The following GOLGA8H variants were observed in gnomAD, a reference collection of about 807,000 sequenced individuals.
GOLGA8H encodes the protein golgin subfamily A member 8H.
Under a neutral mutation model 82.7 loss-of-function variants are expected in GOLGA8H, and 47 were observed. That is an observed-to-expected ratio of 0.57 (90% CI 0.45 to 0.73). The LOEUF (loss-of-function observed/expected upper bound fraction) is 0.73, where lower values mean the gene tolerates loss of function less well. Among genes scored for constraint, GOLGA8H ranks in the 30% least tolerant of loss-of-function variants. GOLGA8H has a pLI of 0.00. For missense variants in GOLGA8H, 372 were observed against 661.0 expected (o/e 0.56, Z 4.79); for synonymous variants, 108 against 241.6 (o/e 0.45, Z 5.13).
rs1448013196 is a variant in GOLGA8H, at chr15:30,615,818, AT to A, written c.*1258del. Among the ~76,000 whole-genome samples the A allele has an allele frequency of 7.4e-6, 1 of 135,736 alleles. No individual in the cohort carries two copies. The highest frequency in any genetic ancestry group is 2.3e-4 in the South Asian group (1 of 4,410). The allele number at this position is 135,736 out of a possible 152,430, so 89.0% of individuals were successfully genotyped here. A position where few individuals can be genotyped will look rare whatever the true frequency, so the allele number is the denominator to read the frequency against. On this transcript the variant is annotated 3_prime_UTR_variant, in exon 19 of 19. Coordinates refer to ENST00000566740, the MANE Select transcript of GOLGA8H (RefSeq NM_001282490.2). ...CCTTGAATGGACAACACTTTAAAAA[AT>A]AATAGAAACATTATTATAAACTAAT...
chr15:30,610,214 T>C (rs915598401), intron 10 of GOLGA8H, 88 bp from the exon 11 acceptor site: 2 of 1,360,768 alleles, frequency 1.5e-6, no homozygotes, highest in African/African-American at 2.9e-5. Context: ...GTCTGGGCTT[T>C]GTGGAGGTGG....
At position 30,615,229 on chromosome 15, in the gene GOLGA8H, G is replaced by A. The variant is rs375651399; in HGVS notation, c.*668G>A. Among the ~76,000 whole-genome samples, 3,633 of 151,778 alleles carry A rather than the reference G, an allele frequency of 0.024. 85 individuals are homozygous for A. The highest frequency in any genetic ancestry group is 0.077 in the African/African-American group (3,166 of 41,316). ...GAAAGTGGCCTCCTCTGGCAGGTAC[G>A]TGCAGGATAGAGTGTGTTTCATCTG... On this transcript the variant is annotated 3_prime_UTR_variant, in exon 19 of 19. Transcript: ENST00000566740.
At position 30,612,627 on chromosome 15, in the gene GOLGA8H, C is replaced by T. The variant is rs1407426529; in HGVS notation, c.1231C>T (p.Gln411Ter). 2 of 1,596,384 alleles carry T rather than the reference C, an allele frequency of 1.3e-6. No individual in the cohort carries two copies. The highest frequency in any genetic ancestry group is 2.2e-5 in the East Asian group (1 of 44,704). ...CCTGGAAGCTGCCAGCCAGCAGAAC[C>T]AGCAGCTAACGGCCCAGCTGAGCCT... ...EHLEAASQQN[Q>*]QLTAQLSLMA... The change falls in exon 14 of 19, where the codon CAG becomes TAG. Residue 411 changes from glutamine to a stop codon, truncating the protein, a stop_gained. Transcript: ENST00000566740. LOFTEE classifies it high-confidence loss of function.
chr15:30,609,084 G>A lies in GOLGA8H; in HGVS notation c.591+328G>A, dbSNP rs562264334. On this transcript the variant is annotated intron_variant, in intron 8 of 18. Coordinates refer to ENST00000566740, the MANE Select transcript of GOLGA8H (RefSeq NM_001282490.2). ...AGGTACAGAAGAGTACCTTTAGTAT[G>A]TTACCATTTCTGTAGAAAGAGGAAA... Among the ~76,000 whole-genome samples the A allele has an allele frequency of 2.6e-4, 33 of 127,508 alleles. No individual in the cohort carries two copies. The East Asian group carries it at 5.0e-3, about 19-fold the overall frequency. The allele number at this position is 127,508 out of a possible 152,430, so 83.7% of individuals were successfully genotyped here.
chr15:30,615,169 C>A lies in GOLGA8H; in HGVS notation c.*608C>A, dbSNP rs923598780. On this transcript the variant is annotated 3_prime_UTR_variant, in exon 19 of 19. Transcript: ENST00000566740. ...TGTGTATTGGTGATGGGAGTGATAACCTTTTGGGGGAGCTTTTTAAATCTC... is the reference window on the plus strand; with the variant it reads ...TGTGTATTGGTGATGGGAGTGATAAACTTTTGGGGGAGCTTTTTAAATCTC... Among the ~76,000 whole-genome samples the A allele has an allele frequency of 3.9e-5, 6 of 151,906 alleles. No homozygotes were observed. The highest frequency in any genetic ancestry group is 2.1e-4 in the South Asian group (1 of 4,814).
Position 30,610,135 on chromosome 15 carries a change from A to G in GOLGA8H, c.786+29A>G, listed in dbSNP as rs556046028. The G allele has an allele frequency of 3.5e-5, 56 of 1,609,270 alleles. 1 individual carries two copies. In the African/African-American group the frequency reaches 7.1e-4, roughly 20 times the overall value. On this transcript the variant is annotated intron_variant, in intron 10 of 18. Transcript: ENST00000566740. The stretch of plus-strand genomic sequence containing the variant: ...AGATCTCACCCTTCAGCCCCCCCAC[A>G]TTAGATAGGTCACTGGATCTTTCTG...
At chr15:30,611,385 C>A (rs1163401991) in intron 13 of GOLGA8H, 39 bp downstream of exon 13, 2 of 888,074 alleles carry the variant, frequency 2.3e-6, no homozygotes, top group Non-Finnish European at 3.6e-6. Flanking sequence ...CCAAGAAGGG[C>A]TGGGAGGCGG....
rs541699856 is a variant in GOLGA8H, at chr15:30,611,752, C to CA, written c.1200+423dup. Among the ~76,000 whole-genome samples the CA allele has an allele frequency of 4.1e-3, 283 of 69,724 alleles. 3 individuals carry two copies. The highest frequency in any genetic ancestry group is 0.015 in the East Asian group (54 of 3,646). The allele number at this position is 69,724 out of a possible 152,430, so 45.7% of individuals were successfully genotyped here. On this transcript the variant is annotated intron_variant, in intron 13 of 18. Coordinates refer to ENST00000566740, the MANE Select transcript of GOLGA8H (RefSeq NM_001282490.2). ...TAAAACCTCATCTCTACTAAAATTA[C>CA]AAAAAAAAAAAAAAAAATTAGCAGG...
At position 30,616,036 on chromosome 15, in the gene GOLGA8H, C is replaced by T. The variant is rs1358645479; in HGVS notation, c.*1475C>T. ...CAGAGCTATATTTTCTCACAGACTT[C>T]TTTACAAAGTGAAATATGTTTTTGT... On this transcript the variant is annotated 3_prime_UTR_variant, in exon 19 of 19. Coordinates refer to ENST00000566740, the MANE Select transcript of GOLGA8H (RefSeq NM_001282490.2). Among the ~76,000 whole-genome samples the T allele has an allele frequency of 2.0e-5, 3 of 151,806 alleles. No homozygotes were observed. Among genetic ancestry groups the T allele is most frequent in the African/African-American group, 7.3e-5 (3 of 41,298 alleles).
rs1475003105 is a variant in GOLGA8H at position 30,616,092 on chromosome 15, G to T, written c.*1531G>T. Among the ~76,000 whole-genome samples the T allele has an allele frequency of 2.0e-5, 3 of 152,038 alleles. No individual in the cohort carries two copies. The East Asian group carries it at 5.8e-4, about 29-fold the overall frequency. On this transcript the variant is annotated 3_prime_UTR_variant, in exon 19 of 19. Transcript: ENST00000566740. The stretch of plus-strand genomic sequence containing the variant: ...TGGGTTTCTGTTCGGGACATATTTT[G>T]TGCGATATTTATGTGATTGTGCCTA...
intron 8 of GOLGA8H, 150 bp downstream of exon 8, chr15:30,608,906 C>T (rs1377525041): frequency 2.3e-5 from 17 of 733,442 alleles, no homozygotes; most frequent in Admixed American, 1.7e-4. Context: ...TTAGTGGCAG[C>T]CTGGGGCTGA....
At position 30,610,005 on chromosome 15, in the gene GOLGA8H, G is replaced by C. The variant is rs758510441; in HGVS notation, c.685G>C (p.Glu229Gln). ...TCTGTGCCCATTCTTGCAGTTGAAG[G>C]AGTCATTTCAACAAGTCCAATTAGA... Reference protein sequence around the residue: ...LLKVQLTQLKESFQQVQLERD... With the variant: ...LLKVQLTQLKQSFQQVQLERD... Residue 229 changes from glutamate to glutamine, a missense_variant, in exon 10 of 19, where the codon GAG (glutamate) becomes CAG (glutamine). Physicochemically the swap from Glu to Gln is conservative, Grantham distance 29. Coordinates refer to ENST00000566740, the MANE Select transcript of GOLGA8H (RefSeq NM_001282490.2). 1 of 1,611,586 alleles carries C rather than the reference G, an allele frequency of 6.2e-7. No individual in the cohort carries two copies. The highest frequency in any genetic ancestry group is 2.2e-5 in the East Asian group (1 of 44,794).
intron 8 of GOLGA8H, 78 bp from the exon 9 acceptor site, chr15:30,609,728 G>A: frequency 1.3e-6 from 2 of 1,582,344 alleles, no homozygotes; most frequent in Non-Finnish European, 1.7e-6. Context: ...ATTGGGCCTA[G>A]CCCTAGTCCT....
chr15:30,608,879 A>G, intron 8 of GOLGA8H, 123 bp downstream of exon 8: 1 of 887,530 alleles, frequency 1.1e-6, no homozygotes. Context: ...ATTTCTTGCT[A>G]CTTTTTTGTA....
At position 30,613,912 on chromosome 15, in the gene GOLGA8H, C is replaced by T. The variant is rs4635302; in HGVS notation, c.1470-41C>T. 12,056 of 1,524,252 alleles carry T rather than the reference C, an allele frequency of 7.9e-3. 245 individuals carry two copies. Among genetic ancestry groups the T allele is most frequent in the Non-Finnish European group, 9.8e-3 (10,856 of 1,110,158 alleles). The allele number at this position is 1,524,252 out of a possible 1,614,324, so 94.4% of individuals were successfully genotyped here. On this transcript the variant is annotated intron_variant, in intron 16 of 18. Coordinates refer to ENST00000566740, the MANE Select transcript of GOLGA8H (RefSeq NM_001282490.2). ...GGCACGGCAGGGGGAGCTACAGGGC[C>T]GTCGGAGGGGCCCCAGCGTCTGAGC...
At position 30,608,356 on chromosome 15, in the gene GOLGA8H, A is replaced by C. The variant is rs1325765027; in HGVS notation, c.374A>C (p.Gln125Pro). 1.9e-6 allele frequency: 3 copies of C among 1,582,812 alleles called. No homozygotes were observed. The highest frequency in any genetic ancestry group is 2.6e-6 in the Non-Finnish European group (3 of 1,167,148). The change falls in exon 6 of 19, where the codon CAG becomes CCG. Residue 125 changes from glutamine to proline, a missense_variant. Transcript: ENST00000566740. The stretch of plus-strand genomic sequence containing the variant: ...GAAAAGAAAGCAAACAACAAGAAAC[A>C]GAAAGCCAAAAGGGTGCTAGAGGTG... ...EEEKKANNKK[Q>P]KAKRVLEVQI...
chr15:30,608,026 A>AC lies in GOLGA8H; in HGVS notation c.310-3dup, dbSNP rs1450443600. 6.3e-7 allele frequency: 1 copy of AC among 1,580,008 alleles called. No homozygotes were observed. Among genetic ancestry groups the AC allele is most frequent in the Non-Finnish European group, 8.6e-7 (1 of 1,166,806 alleles). On this transcript the variant is annotated splice_polypyrimidine_tract_variant and splice_region_variant and intron_variant, in intron 4 of 18. Coordinates refer to ENST00000566740, the MANE Select transcript of GOLGA8H (RefSeq NM_001282490.2). ...TCCATCACCTTATTTGACTCTCCCC[A>AC]CAGAAACAACAGAAGAAACAAGTGG...
chr15:30,609,714 G>T, intron 8 of GOLGA8H, 92 bp from the exon 9 acceptor site: 2 of 1,538,332 alleles, frequency 1.3e-6, no homozygotes, highest in African/African-American at 1.4e-5. Flanking sequence ...TGACTGAGTT[G>T]TATATTGGGC....
Position 30,612,601 on chromosome 15 carries a change from A to T in GOLGA8H, c.1205A>T (p.His402Leu), listed in dbSNP as rs1165288383. ...KELQEKLGEEHLEAASQQNQQ... is the reference protein window; with the variant it reads ...KELQEKLGEELLEAASQQNQQ... ...CACTCTGTCCTGGCCCCTTAGGAGC[A>T]CCTGGAAGCTGCCAGCCAGCAGAAC... Residue 402 changes from histidine (H) to leucine (L), a missense_variant, in exon 14 of 19, where the codon CAC (histidine) becomes CTC (leucine). Physicochemically the swap from His to Leu is moderately conservative, Grantham distance 99. Coordinates refer to ENST00000566740, the MANE Select transcript of GOLGA8H (RefSeq NM_001282490.2). 1 of 1,596,046 alleles carries T rather than the reference A, an allele frequency of 6.3e-7. No homozygotes were observed. Among genetic ancestry groups the T allele is most frequent in the South Asian group, 1.1e-5 (1 of 90,322 alleles).
Sources: allele counts gnomAD v4.1 joint callset (sites outside exome capture counted in the v4.1 genomes callset), GRCh38; gene constraint gnomAD v4.1.1; transcripts MANE v1.5; gene names NCBI Gene and HGNC (gene_info 2026-07-23, HGNC 2026-07-21).